Variants in MARCHF1 observed in about 807,000 individuals in gnomAD.
MARCHF1 encodes membrane associated ring-CH-type finger 1, also known as E3 ubiquitin-protein ligase MARCHF1.
In MARCHF1, 40 loss-of-function variants were observed where a neutral mutation model predicts 54.2. That is an observed-to-expected ratio of 0.74 (90% CI 0.57 to 0.96). The LOEUF (loss-of-function observed/expected upper bound fraction) is 0.96. MARCHF1 is among the 40% of genes least tolerant of loss of function. The probability of loss-of-function intolerance (pLI) is 0.00; values close to 1 mark genes in which losing one functional copy is unlikely to be tolerated. For missense variants in MARCHF1, 586 were observed against 656.5 expected, an observed-to-expected ratio of 0.89 and a Z score of 1.17; for synonymous variants, 236 against 236.3, an observed-to-expected ratio of 1.00 and a Z score of 0.01.
At chr4:164,017,793 C>A in intron 2 of MARCHF1, among the ~76,000 whole-genome samples, 1 of 144,584 alleles carries the variant, frequency 6.9e-6, no homozygotes, top group Admixed American at 7.0e-5. Context: ...ATTTTACACT[C>A]TAATTATAAA....
At chr4:164,128,051 G>T (rs1478581850) in intron 1 of MARCHF1, among the ~76,000 whole-genome samples, 2 of 152,142 alleles carry the variant, frequency 1.3e-5, no homozygotes, top group South Asian at 4.1e-4. Context: ...ATATAATTCT[G>T]AAGAATATGA....
intron 1 of MARCHF1, among the ~76,000 whole-genome samples, chr4:164,379,105 T>C (rs1731289379): frequency 1.3e-5 from 2 of 152,134 alleles, no homozygotes; most frequent in Admixed American, 1.3e-4. Flanking sequence ...ATTAGCAGAC[T>C]AAAACCTTAG....
At chr4:163,579,732 G>T (rs1037785293) in intron 8 of MARCHF1, among the ~76,000 whole-genome samples, 2 of 152,110 alleles carry the variant, frequency 1.3e-5, no homozygotes, top group Admixed American at 1.3e-4. Context: ...AGCATTATAG[G>T]AAAGCTGTGT....
chr4:163,769,945 C>T (rs1747106660), intron 4 of MARCHF1, among the ~76,000 whole-genome samples: 1 of 152,120 alleles, frequency 6.6e-6, no homozygotes, highest in Non-Finnish European at 1.5e-5. Context: ...ACTAACCCCC[C>T]TTTTCCTTTT....
At chr4:163,789,438 C>T (rs1747710522) in intron 4 of MARCHF1, among the ~76,000 whole-genome samples, 1 of 151,832 alleles carries the variant, frequency 6.6e-6, no homozygotes, top group Non-Finnish European at 1.5e-5. Flanking sequence ...ATCTGTATAA[C>T]AAACCCAATG....
At chr4:164,047,651 C>T (rs1754270253) in intron 2 of MARCHF1, among the ~76,000 whole-genome samples, 1 of 152,116 alleles carries the variant, frequency 6.6e-6, no homozygotes, top group Non-Finnish European at 1.5e-5. Flanking sequence ...TACGTTCTTT[C>T]ACCACTATAA....
intron 4 of MARCHF1, among the ~76,000 whole-genome samples, chr4:163,750,067 GA>G (rs201321425): frequency 3.6e-4 from 50 of 137,746 alleles, no homozygotes; most frequent in Middle Eastern, 4.1e-3. Context: ...AGACTGTCTT[GA>G]AAAAAAAAAA....
chr4:163,925,370 A>T (rs1162075862), intron 3 of MARCHF1, among the ~76,000 whole-genome samples: 2 of 151,744 alleles, frequency 1.3e-5, no homozygotes, highest in East Asian at 3.9e-4. Flanking sequence ...CCAACTCAAT[A>T]CCTGAATGTA....
chr4:163,809,742 A>C (rs1177911163), intron 4 of MARCHF1, among the ~76,000 whole-genome samples: 1 of 152,208 alleles, frequency 6.6e-6, no homozygotes, highest in Non-Finnish European at 1.5e-5. Flanking sequence ...AAAGTCAAGT[A>C]CACACACAAA....
intron 4 of MARCHF1, among the ~76,000 whole-genome samples, chr4:163,744,142 G>A (rs958848722): frequency 2.6e-5 from 4 of 152,102 alleles, no homozygotes; most frequent in Admixed American, 6.6e-5. Flanking sequence ...TTACTCACAG[G>A]GACAGTGATC....
chr4:164,140,239 C>CACTATATATATATA (rs144974771), intron 1 of MARCHF1, among the ~76,000 whole-genome samples: 1 of 147,318 alleles, frequency 6.8e-6, no homozygotes, highest in Non-Finnish European at 1.5e-5. Context: ...TACACACACA[C>CACTATATATATATA]TATATATATA....
chr4:164,371,089 C>T (rs1243965754), intron 1 of MARCHF1, among the ~76,000 whole-genome samples: 1 of 151,902 alleles, frequency 6.6e-6, no homozygotes, highest in East Asian at 1.9e-4. Flanking sequence ...ATTAGACAAA[C>T]CAATGGAACA....
intron 4 of MARCHF1, among the ~76,000 whole-genome samples, chr4:163,733,258 T>TATACATGTGTATATATACACACACAC (rs1554008879): frequency 2.2e-5 from 1 of 45,062 alleles, no homozygotes. Flanking sequence ...TATATATATA[T>TATACATGTGTATATATACACACACAC]ACACACACAC....
chr4:163,551,657 C>T (rs1200429335), intron 8 of MARCHF1, among the ~76,000 whole-genome samples: 2 of 152,192 alleles, frequency 1.3e-5, no homozygotes, highest in Non-Finnish European at 2.9e-5. Flanking sequence ...ACCTAAATCT[C>T]ATGTTGAATT....
chr4:163,700,740 A>C, intron 5 of MARCHF1, 73 bp downstream of exon 5: 1 of 1,129,320 alleles, frequency 8.9e-7, no homozygotes. Flanking sequence ...ATTATAGGTT[A>C]AACATTATAA....
chr4:163,915,927 T>C (rs1209632979), intron 3 of MARCHF1, among the ~76,000 whole-genome samples: 4 of 152,066 alleles, frequency 2.6e-5, no homozygotes, highest in African/African-American at 9.7e-5. Flanking sequence ...ACAAAAACCT[T>C]CCCATTTAAG....
At chr4:163,742,929 G>T (rs1260297409) in intron 4 of MARCHF1, among the ~76,000 whole-genome samples, 1 of 137,858 alleles carries the variant, frequency 7.3e-6, no homozygotes, top group Non-Finnish European at 1.7e-5. Context: ...TTAAAGTTGG[G>T]AATAATTTCT....
intron 1 of MARCHF1, among the ~76,000 whole-genome samples, chr4:164,347,792 G>C (rs1730150185): frequency 6.6e-6 from 1 of 151,978 alleles, no homozygotes; most frequent in Admixed American, 6.6e-5. Context: ...GGGTAAACTG[G>C]AAACAAAAAC....
chr4:163,607,549 T>C (rs1318957432), intron 7 of MARCHF1, among the ~76,000 whole-genome samples: 2 of 152,064 alleles, frequency 1.3e-5, no homozygotes, highest in African/African-American at 4.8e-5. Flanking sequence ...ACTTTGCCAG[T>C]CTATGGTTTT....
Sources: gnomAD v4.1 joint callset for allele counts (sites outside exome capture counted in the v4.1 genomes callset) on GRCh38, gnomAD v4.1.1 for gene constraint, MANE v1.5 for transcripts, NCBI Gene and HGNC (gene_info 2026-07-23, HGNC 2026-07-21) for gene names.